RBFOX1: variants seen among roughly 807,000 people sequenced by gnomAD.
RBFOX1 encodes the protein RNA binding protein fox-1 homolog 1.
A neutral mutation model predicts 57.7 loss-of-function variants in RBFOX1; 8 were observed. That is an observed-to-expected ratio of 0.14 (90% CI 0.08 to 0.25). The LOEUF is 0.25. Ranked by LOEUF, RBFOX1 falls within the 10% of genes least tolerant of loss-of-function variation. The pLI, the probability that RBFOX1 is intolerant of heterozygous loss-of-function variation, is 1.00. For missense variants in RBFOX1, 611 were observed against 548.5 expected (o/e 1.11, Z -1.14); for synonymous variants, 326 against 222.4 (o/e 1.47, Z -4.15).
intron 1 of RBFOX1, among the ~76,000 whole-genome samples, chr16:5,247,938 G>A (rs1185966657): frequency 1.3e-5 from 2 of 152,164 alleles, no homozygotes; most frequent in Non-Finnish European, 1.5e-5. Context: ...ATTTTGAGTG[G>A]GGTTTCCTCA....
chr16:7,211,725 G>T (rs962211944), intron 4 of RBFOX1, among the ~76,000 whole-genome samples: 2 of 152,060 alleles, frequency 1.3e-5, no homozygotes, highest in East Asian at 3.9e-4. Flanking sequence ...TTCAGCTCTC[G>T]TGCCAGGTGG....
At chr16:7,616,780 C>T (rs556612747) in intron 10 of RBFOX1, among the ~76,000 whole-genome samples, 1 of 152,054 alleles carries the variant, frequency 6.6e-6, no homozygotes. Flanking sequence ...AACCCTCCCA[C>T]CTCGGTATTC....
At position 7,322,753 on chromosome 16, in the gene RBFOX1, A is replaced by T. The variant is rs139966014; in HGVS notation, c.28-195394A>T. Among the ~76,000 whole-genome samples the T allele has an allele frequency of 5.4e-3, 818 of 152,308 alleles. 33 individuals are homozygous for T. The highest frequency in any genetic ancestry group is 0.049 in the Admixed American group (753 of 15,296). ...ATGGTATGGGAAAAAGCCAAGGAGA[A>T]ATCAGCCCTTGAGGTGGAGATGATG... is the stretch of plus-strand genomic sequence containing the variant. On this transcript the variant is annotated intron_variant, in intron 4 of 15. Transcript: ENST00000550418.
In RBFOX1 at chr16:5,695,851, A is replaced by C. The variant is rs143992550; in HGVS notation, c.318+96890A>C. ...ATGTAATAGATATGTTAATTTGCTC[A>C]CAGGTACTAATCATTCACTATGCAT... On this transcript the variant is annotated intron_variant, in intron 3 of 19. Transcript: ENST00000641259. Among the ~76,000 whole-genome samples, 1,234 of 152,324 alleles carry C rather than the reference A, an allele frequency of 8.1e-3. 24 individuals carry two copies. The highest frequency in any genetic ancestry group is 0.028 in the African/African-American group (1,183 of 41,574).
chr16:7,361,068 G>C (rs937710250), intron 4 of RBFOX1, among the ~76,000 whole-genome samples: 20 of 152,180 alleles, frequency 1.3e-4, no homozygotes, highest in Non-Finnish European at 2.9e-5. Context: ...TGTAAACTCT[G>C]CCTGCTGGGG....
At chr16:6,667,449 T>A (rs2098739895) in intron 3 of RBFOX1, among the ~76,000 whole-genome samples, 2 of 152,112 alleles carry the variant, frequency 1.3e-5, no homozygotes, top group African/African-American at 4.8e-5. Flanking sequence ...GCTTCCTGGT[T>A]ATTTAACCTC....
chr16:5,487,583 T>C (rs905920409), intron 2 of RBFOX1, among the ~76,000 whole-genome samples: 2 of 152,156 alleles, frequency 1.3e-5, no homozygotes, highest in African/African-American at 4.8e-5. Context: ...TATGAGGAAA[T>C]CGGGGCATTG....
At chr16:6,468,640 CAAATA>C (rs2095106048) in intron 2 of RBFOX1, among the ~76,000 whole-genome samples, 2 of 151,790 alleles carry the variant, frequency 1.3e-5, no homozygotes, top group Admixed American at 6.6e-5. Context: ...TTTGCAAAAA[CAAATA>C]AAACCATTTT....
At chr16:5,467,087 T>G (rs1317016844) in intron 1 of RBFOX1, 9 of 1,131,224 alleles carry the variant, frequency 8.0e-6, no homozygotes, top group Non-Finnish European at 1.1e-5. Context: ...AATGGACGTT[T>G]TGAGAATGAA....
intron 4 of RBFOX1, among the ~76,000 whole-genome samples, chr16:7,314,510 C>T (rs1453730465): frequency 6.6e-6 from 1 of 152,192 alleles, no homozygotes; most frequent in African/African-American, 2.4e-5. Flanking sequence ...GACACATTTT[C>T]ATTGCCTTTC....
rs1405096380 is a variant in RBFOX1 at position 5,278,538 on chromosome 16, G to A, written c.219+38433G>A. ...CCATCTTGAGTTAATTTTTATATAT[G>A]CTGTAAGGGAGGGGTGTTGTCTTTT... On this transcript the variant is annotated intron_variant, in intron 1 of 2. Coordinates refer to the RBFOX1 transcript ENST00000585867. Among the ~76,000 whole-genome samples the A allele has an allele frequency of 2.0e-5, 3 of 152,144 alleles. No homozygotes were observed. In the East Asian group the frequency reaches 5.8e-4, roughly 29 times the overall value.
At chr16:5,484,369 C>A (rs1473806390) in intron 2 of RBFOX1, among the ~76,000 whole-genome samples, 4 of 152,242 alleles carry the variant, frequency 2.6e-5, no homozygotes, top group Non-Finnish European at 5.9e-5. Context: ...CAACTGGCTT[C>A]TCTTAGTGAG....
chr16:7,191,379 A>G (rs569751113), intron 4 of RBFOX1, among the ~76,000 whole-genome samples: 36 of 151,856 alleles, frequency 2.4e-4, no homozygotes, highest in Non-Finnish European at 4.4e-4. Flanking sequence ...TATTTCCTGG[A>G]TGCTTTACAA....
intron 4 of RBFOX1, among the ~76,000 whole-genome samples, chr16:7,344,033 C>G (rs1423566698): frequency 2.7e-5 from 4 of 150,928 alleles, no homozygotes; most frequent in East Asian, 1.9e-4. Context: ...ATAGGGAAGC[C>G]AATACCTTCT....
At chr16:7,015,660 A>T (rs2093874351) in intron 3 of RBFOX1, among the ~76,000 whole-genome samples, 1 of 152,178 alleles carries the variant, frequency 6.6e-6, no homozygotes, top group Non-Finnish European at 1.5e-5. Context: ...TTTTGAGCAA[A>T]CAAGAAGTAT....
chr16:7,147,894 G>C (rs2075341228), intron 4 of RBFOX1, among the ~76,000 whole-genome samples: 1 of 152,136 alleles, frequency 6.6e-6, no homozygotes, highest in Non-Finnish European at 1.5e-5. Context: ...AAACCTCCAG[G>C]CTGCTTTCGC....
chr16:6,553,038 T>C (rs182111459), intron 2 of RBFOX1, among the ~76,000 whole-genome samples: 8 of 152,324 alleles, frequency 5.3e-5, no homozygotes, highest in Admixed American at 1.3e-4. Context: ...ATTATTTGTT[T>C]TGACACTTCA....
intron 3 of RBFOX1, among the ~76,000 whole-genome samples, chr16:6,933,980 C>G (rs1333161122): frequency 6.6e-6 from 1 of 152,170 alleles, no homozygotes; most frequent in Non-Finnish European, 1.5e-5. Flanking sequence ...AAAGTTAATG[C>G]TCATCCTCTC....
intron 4 of RBFOX1, among the ~76,000 whole-genome samples, chr16:7,387,263 G>A (rs1389389757): frequency 6.6e-6 from 1 of 152,044 alleles, no homozygotes; most frequent in East Asian, 1.9e-4. Context: ...ATTAGTATAG[G>A]ATTAGTAATA....
Sources: gnomAD v4.1 joint callset for allele counts (sites outside exome capture counted in the v4.1 genomes callset) on GRCh38, gnomAD v4.1.1 for gene constraint, MANE v1.5 for transcripts, NCBI Gene and HGNC (gene_info 2026-07-23, HGNC 2026-07-21) for gene names.